The following HNRNPM variants were observed in gnomAD, a reference collection of about 807,000 sequenced individuals.
HNRNPM encodes heterogeneous nuclear ribonucleoprotein M, also known as CEA receptor.
Under a neutral mutation model 73.1 loss-of-function variants are expected in HNRNPM, and 11 were observed. The observed-to-expected ratio is 0.15, with a 90% CI of 0.09 to 0.25. HNRNPM has a LOEUF of 0.25. HNRNPM is among the 10% of genes least tolerant of loss of function. The probability of loss-of-function intolerance (pLI) is 1.00; values close to 1 mark genes in which losing one functional copy is unlikely to be tolerated. For synonymous variants in HNRNPM, 407 were observed against 355.2 expected, an observed-to-expected ratio of 1.15 and a Z score of -1.64; for missense variants, 789 against 1,067.9, an observed-to-expected ratio of 0.74 and a Z score of 3.64.
At chr19:8,481,790 G>A (rs1253177489) in intron 12 of HNRNPM, among the ~76,000 whole-genome samples, 3 of 152,058 alleles carry the variant, frequency 2.0e-5, no homozygotes, top group Non-Finnish European at 1.5e-5. Flanking sequence ...AGCCAGCCTC[G>A]GCTCAGGCAT....
At chr19:8,445,927 C>T (rs1381687617) in intron 1 of HNRNPM, among the ~76,000 whole-genome samples, 1 of 152,240 alleles carries the variant, frequency 6.6e-6, no homozygotes, top group Non-Finnish European at 1.5e-5. Flanking sequence ...TTCCAGACTT[C>T]ATCAGCTTTT....
chr19:8,459,661 C>G (rs1027003286), intron 2 of HNRNPM, among the ~76,000 whole-genome samples: 1 of 151,666 alleles, frequency 6.6e-6, no homozygotes, highest in African/African-American at 2.4e-5. Context: ...TTTTCTTTTT[C>G]AGACTTGAGC....
At chr19:8,486,986 TA>T (rs1325954148) in intron 14 of HNRNPM, 37 bp from the exon 15 acceptor site, 5 of 1,563,620 alleles carry the variant, frequency 3.2e-6, no homozygotes, top group Non-Finnish European at 4.4e-6. Flanking sequence ...GGATTTGGTT[TA>T]ATCACGCATC....
At chr19:8,481,124 G>A (rs1970887147) in intron 12 of HNRNPM, among the ~76,000 whole-genome samples, 1 of 152,186 alleles carries the variant, frequency 6.6e-6, no homozygotes, top group Admixed American at 6.5e-5. Context: ...CCTGTGCCTA[G>A]GCAGTAGATC....
intron 12 of HNRNPM, among the ~76,000 whole-genome samples, chr19:8,479,066 T>TTTTC (rs1406353377): frequency 4.9e-5 from 7 of 141,642 alleles, no homozygotes; most frequent in African/African-American, 1.8e-4. Flanking sequence ...TCCTCCTCTT[T>TTTTC]TTTCTTTCTT....
chr19:8,482,097 T>G (rs1175434830), intron 12 of HNRNPM, among the ~76,000 whole-genome samples: 2 of 151,272 alleles, frequency 1.3e-5, no homozygotes, highest in Admixed American at 6.6e-5. Context: ...CTCAGCCTCC[T>G]GAGTAACTGG....
chr19:8,473,680 C>T lies in HNRNPM; in HGVS notation c.1014C>T (p.Gly338=). 1.3e-6 allele frequency: 2 copies of T among 1,575,720 alleles called. No homozygotes were observed. The highest frequency in any genetic ancestry group is 2.2e-5 in the East Asian group (1 of 44,604). The change falls in exon 11 of 16, where the codon GGC becomes GGT. Residue 338 remains glycine (G), a synonymous_variant. Transcript: ENST00000325495. The stretch of plus-strand genomic sequence containing the variant: ...CTTTTTAAGGAATGGGAATGGAAGG[C>T]ATAGGATTTGGAATAAATAAAATGG... The part of the protein sequence containing the change: ...NIGPAGMGME[G]IGFGINKMGG...
At chr19:8,457,095 T>C (rs577354636) in intron 2 of HNRNPM, among the ~76,000 whole-genome samples, 8 of 152,374 alleles carry the variant, frequency 5.3e-5, no homozygotes, top group Non-Finnish European at 1.0e-4. Flanking sequence ...TAAGGTATAG[T>C]AGTTCCAAGA....
At chr19:8,474,061 T>G (rs1599818710) in intron 11 of HNRNPM, 106 bp from the exon 12 acceptor site, 1 of 817,732 alleles carries the variant, frequency 1.2e-6, no homozygotes, top group East Asian at 2.8e-5. Flanking sequence ...CTTGGTAAGT[T>G]CTTGGCAGAA....
At chr19:8,473,929 A>C (rs557548450) in intron 11 of HNRNPM, among the ~76,000 whole-genome samples, 6 of 151,868 alleles carry the variant, frequency 4.0e-5, no homozygotes, top group Non-Finnish European at 8.8e-5. Context: ...AGACCACTCC[A>C]TCTCTATGCC....
At chr19:8,485,523 G>A (rs2030946908) in intron 13 of HNRNPM, 80 bp from the exon 14 acceptor site, 1 of 1,374,834 alleles carries the variant, frequency 7.3e-7, no homozygotes, top group Admixed American at 1.9e-5. Context: ...CCATGCCCAT[G>A]AGCTGAAGTG....
chr19:8,457,860 C>T (rs1037600861), intron 2 of HNRNPM, among the ~76,000 whole-genome samples: 2 of 152,180 alleles, frequency 1.3e-5, no homozygotes, highest in African/African-American at 4.8e-5. Context: ...ATAGGAAGAA[C>T]TGGCAGATAG....
At position 8,462,210 on chromosome 19, in the gene HNRNPM, C is replaced by T. The variant is rs2145655525; in HGVS notation, c.284-319C>T. 3.5e-6 allele frequency: 1 copy of T among 288,902 alleles called. No individual in the cohort carries two copies. The highest frequency in any genetic ancestry group is 5.9e-5 in the South Asian group (1 of 16,872). 17.9% of individuals were successfully genotyped at this position (288,902 alleles called of 1,614,324 possible). On this transcript the variant is annotated intron_variant, in intron 2 of 15. Coordinates refer to ENST00000325495, the MANE Select transcript of HNRNPM (RefSeq NM_005968.5). This position sits in a 1 kb window ranked among gnomAD's most constrained non-coding sequence, Gnocchi z 4.5. ...TCCTCCCTTCCCCAGAAAAGTAAAT[C>T]ACGCAGACTTCTTTCCTATAGATTT...
intron 10 of HNRNPM, 110 bp from the exon 11 acceptor site, chr19:8,473,554 A>G: frequency 5.6e-6 from 4 of 713,330 alleles, no homozygotes; most frequent in Non-Finnish European, 1.0e-5. Context: ...ACTTGTCATC[A>G]GGGATTTTCT....
intron 6 of HNRNPM, 70 bp downstream of exon 6, chr19:8,465,585 T>C (rs1969688921): frequency 2.0e-6 from 2 of 979,972 alleles, no homozygotes; most frequent in East Asian, 2.7e-5. Context: ...CAATATGTTA[T>C]AAAAGTAATT....
intron 1 of HNRNPM, among the ~76,000 whole-genome samples, chr19:8,449,073 T>C (rs184857253): frequency 1.2e-4 from 19 of 152,362 alleles, no homozygotes; most frequent in South Asian, 2.1e-4. Flanking sequence ...AGATTCTCTA[T>C]ACAATGCATT....
chr19:8,488,171 C>T (rs1325679443), intron 15 of HNRNPM: 1 of 152,576 alleles, frequency 6.6e-6, no homozygotes, highest in Non-Finnish European at 1.5e-5. Context: ...CACTGAGTTC[C>T]CACCTCTGGC....
chr19:8,450,710 TA>T (rs1448128130), intron 1 of HNRNPM, among the ~76,000 whole-genome samples: 8 of 42,952 alleles, frequency 1.9e-4, no homozygotes, highest in South Asian at 2.1e-3. Flanking sequence ...TTAATTTAAT[TA>T]ATTATTATTA....
At chr19:8,453,698 C>G (rs1394417014) in intron 1 of HNRNPM, among the ~76,000 whole-genome samples, 1 of 152,132 alleles carries the variant, frequency 6.6e-6, no homozygotes, top group Non-Finnish European at 1.5e-5. Context: ...GCAGAAGGTG[C>G]AAGGCTCAGT....
Sources: gnomAD v4.1 joint callset for allele counts (sites outside exome capture counted in the v4.1 genomes callset) on GRCh38, gnomAD v4.1.1 for gene constraint, Gnocchi (gnomAD v3.1) non-coding constraint, MANE v1.5 for transcripts, NCBI Gene and HGNC (gene_info 2026-07-23, HGNC 2026-07-21) for gene names.